The following VPS35L variants were observed in gnomAD, a reference collection of about 807,000 sequenced individuals.
VPS35L encodes VPS35 endosomal protein sorting factor like.
In VPS35L, 83 loss-of-function variants were observed where a neutral mutation model predicts 133.0. The ratio of observed to expected loss-of-function variants is 0.62; its 90% CI spans 0.52 to 0.75. VPS35L has a LOEUF of 0.75. Among genes scored for constraint, VPS35L ranks in the 30% least tolerant of loss-of-function variants. VPS35L has a pLI of 0.00. For synonymous variants in VPS35L, 423 were observed against 449.9 expected (o/e 0.94, Z 0.76); for missense variants, 1,083 against 1,206.8 (o/e 0.90, Z 1.52).
chr16:19,619,615 C>G (rs1050866610), intron 14 of VPS35L, among the ~76,000 whole-genome samples: 1 of 151,990 alleles, frequency 6.6e-6, no homozygotes, highest in Non-Finnish European at 1.5e-5. Context: ...CAAAATGTCA[C>G]AAGGCAGTCT....
intron 6 of VPS35L, among the ~76,000 whole-genome samples, chr16:19,580,783 TC>T (rs939116739): frequency 1.1e-4 from 16 of 152,240 alleles, no homozygotes; most frequent in Non-Finnish European, 1.8e-4. Context: ...CCATTCCTGA[TC>T]CCCCCATCAC....
intron 14 of VPS35L, among the ~76,000 whole-genome samples, chr16:19,621,985 T>C (rs1973096922): frequency 6.6e-6 from 1 of 151,986 alleles, no homozygotes; most frequent in African/African-American, 2.4e-5. Flanking sequence ...TGTGCATGTG[T>C]GTGTGCACGT....
At chr16:19,693,072 G>A (rs1312542698) in intron 29 of VPS35L, among the ~76,000 whole-genome samples, 1 of 152,228 alleles carries the variant, frequency 6.6e-6, no homozygotes, top group Non-Finnish European at 1.5e-5. Context: ...ATGTGACTGT[G>A]TCCTACTGAC....
chr16:19,609,097 T>C (rs543620405), intron 11 of VPS35L, 76 bp downstream of exon 11: 18 of 1,243,762 alleles, frequency 1.4e-5, no homozygotes, highest in Admixed American at 8.6e-5. Flanking sequence ...GTAATGGCAA[T>C]GTAATAGTAG....
chr16:19,698,283 T>C (rs1481195456), intron 29 of VPS35L, among the ~76,000 whole-genome samples: 1 of 152,176 alleles, frequency 6.6e-6, no homozygotes, highest in Non-Finnish European at 1.5e-5. Context: ...GTTTCTCAGC[T>C]CATGGCCACC....
At chr16:19,687,617 T>G in intron 28 of VPS35L, among the ~76,000 whole-genome samples, 1 of 152,056 alleles carries the variant, frequency 6.6e-6, no homozygotes. Flanking sequence ...TAAGATTGGA[T>G]AAGAGATTCC....
chr16:19,662,643 A>G (rs944200312), intron 26 of VPS35L, among the ~76,000 whole-genome samples: 5 of 150,140 alleles, frequency 3.3e-5, no homozygotes, highest in East Asian at 2.0e-4. Context: ...ACATGAGTAA[A>G]CAAGCTATTT....
At chr16:19,681,286 A>T (rs1975267513) in intron 27 of VPS35L, among the ~76,000 whole-genome samples, 1 of 152,212 alleles carries the variant, frequency 6.6e-6, no homozygotes, top group Admixed American at 6.5e-5. Flanking sequence ...TTTCTCCCCC[A>T]TTCCTCCTGG....
chr16:19,584,248 G>A (rs1971794373), intron 7 of VPS35L, among the ~76,000 whole-genome samples: 1 of 152,120 alleles, frequency 6.6e-6, no homozygotes, highest in South Asian at 2.1e-4. Flanking sequence ...TCATATGGTA[G>A]TTCTATTTTT....
chr16:19,650,470 A>G lies in VPS35L; in HGVS notation c.2106+11A>G. Reference sequence around the variant, plus strand: ...GCTGCATTTGTCCGGGTATGTTCTTAAGATAAGGACTGTTGGACCTCGAAC... The same window carrying G: ...GCTGCATTTGTCCGGGTATGTTCTTGAGATAAGGACTGTTGGACCTCGAAC... On this transcript the variant is annotated intron_variant, in intron 25 of 30. Transcript: ENST00000417362. 1 of 1,608,776 alleles carries G rather than the reference A, an allele frequency of 6.2e-7. No homozygotes were observed. The highest frequency in any genetic ancestry group is 8.5e-7 in the Non-Finnish European group (1 of 1,175,126).
rs749822818 is a variant in VPS35L, at chr16:19,569,448, G to A, written c.142G>A (p.Val48Met). 1.3e-6 allele frequency: 2 copies of A among 1,597,882 alleles called. No individual in the cohort carries two copies. The highest frequency in any genetic ancestry group is 1.7e-6 in the Non-Finnish European group (2 of 1,173,034). ...ITVTESKTKK[V>M]NRKGSTSSTS... is the part of the protein sequence containing the mutation. ...GGTCACAGAGTCAAAGACAAAGAAA[G>A]TGAACCGGAAAGGAAGCACTTCTTC... The change falls in exon 3 of 31, where the codon GTG (valine) becomes ATG (methionine). Residue 48 changes from valine (V) to methionine (M), a missense_variant. Coordinates refer to ENST00000417362, the MANE Select transcript of VPS35L (RefSeq NM_020314.7).
chr16:19,588,520 T>C (rs566848746), intron 7 of VPS35L, among the ~76,000 whole-genome samples: 6 of 152,150 alleles, frequency 3.9e-5, no homozygotes, highest in Admixed American at 6.6e-5. Flanking sequence ...TAACTTTTTT[T>C]TTCTTCTTCT....
rs151232380 is a variant in VPS35L at position 19,693,518 on chromosome 16, C to T, written c.2646+2047C>T. The stretch of plus-strand genomic sequence containing the variant: ...AAATTAGGCCAGGTACGGTGACTCA[C>T]GCCTGTAATCCCAGCACTTTGGGAG... On this transcript the variant is annotated intron_variant, in intron 29 of 30. Coordinates refer to ENST00000417362, the MANE Select transcript of VPS35L (RefSeq NM_020314.7). 4.6e-4 allele frequency among the ~76,000 whole-genome samples: 70 copies of T among 152,124 alleles called. 4 individuals carry two copies. In the East Asian group the frequency reaches 0.011, roughly 24 times the overall value.
chr16:19,696,480 G>T (rs555047818), intron 29 of VPS35L, among the ~76,000 whole-genome samples: 2 of 152,298 alleles, frequency 1.3e-5, no homozygotes, highest in East Asian at 3.9e-4. Flanking sequence ...TGTATTTTAT[G>T]AAGTTGTTTG....
chr16:19,662,198 G>A (rs1320367002), intron 26 of VPS35L, among the ~76,000 whole-genome samples: 1 of 152,020 alleles, frequency 6.6e-6, no homozygotes, highest in Non-Finnish European at 1.5e-5. Context: ...GCAAGGCCCT[G>A]TCTCAAAAAA....
chr16:19,674,717 TC>T (rs1271522221), intron 27 of VPS35L, among the ~76,000 whole-genome samples: 1 of 152,084 alleles, frequency 6.6e-6, no homozygotes, highest in African/African-American at 2.4e-5. Context: ...AATTCTTCAT[TC>T]CCCTACCCCC....
At chr16:19,661,272 A>G (rs377119804) in intron 26 of VPS35L, among the ~76,000 whole-genome samples, 2 of 150,134 alleles carry the variant, frequency 1.3e-5, no homozygotes, top group East Asian at 2.0e-4. Flanking sequence ...GCCCCCCTCT[A>G]TTTTTTTTCC....
intron 12 of VPS35L, among the ~76,000 whole-genome samples, chr16:19,614,969 A>C (rs1451015060): frequency 1.3e-5 from 2 of 152,238 alleles, no homozygotes; most frequent in Non-Finnish European, 2.9e-5. Context: ...CTTCATGCTC[A>C]TGTTATATAA....
intron 21 of VPS35L, among the ~76,000 whole-genome samples, chr16:19,641,221 C>T (rs1439519271): frequency 2.0e-5 from 3 of 151,884 alleles, no homozygotes; most frequent in African/African-American, 2.4e-5. Flanking sequence ...CCCACCTCCA[C>T]GTCCGGCTAA....
Sources: allele counts gnomAD v4.1 joint callset (sites outside exome capture counted in the v4.1 genomes callset), GRCh38; gene constraint gnomAD v4.1.1; transcripts MANE v1.5; gene names NCBI Gene and HGNC (gene_info 2026-07-23, HGNC 2026-07-21).